Variants in LRFN2 observed in about 807,000 individuals in gnomAD.
LRFN2 encodes the protein leucine-rich repeat and fibronectin type-III domain-containing protein 2.
In LRFN2, 18 loss-of-function variants were observed where a neutral mutation model predicts 37.3. The ratio of observed to expected loss-of-function variants is 0.48; its 90% CI spans 0.33 to 0.72. The LOEUF is 0.72. LRFN2 is among the 30% of genes least tolerant of loss of function. The pLI is 0.02. For missense variants in LRFN2, 1,006 were observed against 1,060.7 expected, an observed-to-expected ratio of 0.95 and a Z score of 0.72; for synonymous variants, 556 against 466.6, an observed-to-expected ratio of 1.19 and a Z score of -2.47.
intron 1 of LRFN2, among the ~76,000 whole-genome samples, chr6:40,585,852 T>TAC (rs59391301): frequency 0.17 from 24,800 of 148,714 alleles, 2,014 homozygotes; most frequent in African/African-American, 0.18. Context: ...CACACACGCG[T>TAC]ACACACACAC....
chr6:40,526,748 T>C (rs1766262399), intron 1 of LRFN2, among the ~76,000 whole-genome samples: 1 of 152,178 alleles, frequency 6.6e-6, no homozygotes, highest in South Asian at 2.1e-4. Context: ...CTCTTGTCCC[T>C]GCACACCCAC....
chr6:40,547,799 G>C (rs1036366455), intron 1 of LRFN2, among the ~76,000 whole-genome samples: 15 of 152,116 alleles, frequency 9.9e-5, no homozygotes, highest in African/African-American at 3.6e-4. Context: ...CATATTCTCT[G>C]GGGTCCAGGA....
At chr6:40,553,881 C>T (rs896271139) in intron 1 of LRFN2, among the ~76,000 whole-genome samples, 50 of 152,284 alleles carry the variant, frequency 3.3e-4, no homozygotes, top group African/African-American at 1.1e-3. Flanking sequence ...TGCTTCTCAC[C>T]TCTGGGGTCT....
intron 1 of LRFN2, among the ~76,000 whole-genome samples, chr6:40,456,742 T>C (rs1344593039): frequency 6.6e-6 from 1 of 152,150 alleles, no homozygotes; most frequent in East Asian, 1.9e-4. Context: ...TATTAAAGGC[T>C]GTCCAGGACT....
chr6:40,582,976 G>A (rs753600556), intron 1 of LRFN2, among the ~76,000 whole-genome samples: 6 of 152,058 alleles, frequency 3.9e-5, no homozygotes, highest in East Asian at 1.9e-4. Flanking sequence ...AGCAAGTTGC[G>A]AGTGGATCTG....
chr6:40,433,065 C>T lies in LRFN2; in HGVS notation c.49G>A (p.Val17Met), dbSNP rs770797333. ...CAGTACTTGGGGCAGGCGTCGACCA[C>T]GGCAAACGCCATGCCAAACGCTAGC... ...GLLAFGMAFAVVDACPKYCVC... is the reference protein window; with the variant it reads ...GLLAFGMAFAMVDACPKYCVC... The change falls in exon 2 of 3, where the codon GTG (valine) becomes ATG (methionine). Residue 17 changes from valine to methionine, a missense_variant. Coordinates refer to ENST00000338305, the MANE Select transcript of LRFN2 (RefSeq NM_020737.3). 23 of 1,542,798 alleles carry T rather than the reference C, an allele frequency of 1.5e-5. No homozygotes were observed. The highest frequency in any genetic ancestry group is 4.1e-5 in the Admixed American group (2 of 49,258).
chr6:40,437,720 T>A (rs1275449707), intron 1 of LRFN2, among the ~76,000 whole-genome samples: 1 of 152,148 alleles, frequency 6.6e-6, no homozygotes, highest in African/African-American at 2.4e-5. Context: ...ACAAGGGGAC[T>A]GGATGAATAT....
chr6:40,427,539 AC>A (rs921141922), intron 2 of LRFN2, among the ~76,000 whole-genome samples: 3 of 152,234 alleles, frequency 2.0e-5, no homozygotes, highest in Non-Finnish European at 4.4e-5. Context: ...AAGGAGGCAG[AC>A]AAAAAGGTTG....
At chr6:40,501,766 C>T (rs1405713462) in intron 1 of LRFN2, 1 of 152,124 alleles carries the variant, frequency 6.6e-6, no homozygotes, top group Non-Finnish European at 1.5e-5. Context: ...ATGTCTCCGC[C>T]TACAAAAGAT....
At chr6:40,496,649 G>GC (rs995756888) in intron 1 of LRFN2, among the ~76,000 whole-genome samples, 1 of 151,966 alleles carries the variant, frequency 6.6e-6, no homozygotes, top group Non-Finnish European at 1.5e-5. Flanking sequence ...CTCTCAAAGG[G>GC]CCCCCTCCCT....
At chr6:40,435,517 A>G (rs1472493715) in intron 1 of LRFN2, among the ~76,000 whole-genome samples, 1 of 150,172 alleles carries the variant, frequency 6.7e-6, no homozygotes, top group Non-Finnish European at 1.5e-5. Context: ...AGATGCAGAA[A>G]AAACTAGCTT....
At chr6:40,543,011 T>C (rs1397025384) in intron 1 of LRFN2, among the ~76,000 whole-genome samples, 1 of 152,232 alleles carries the variant, frequency 6.6e-6, no homozygotes, top group Non-Finnish European at 1.5e-5. Flanking sequence ...GTCACTTAGA[T>C]GTTTCATCTG....
intron 1 of LRFN2, among the ~76,000 whole-genome samples, chr6:40,495,757 C>A (rs950454190): frequency 6.6e-6 from 1 of 152,208 alleles, no homozygotes; most frequent in Non-Finnish European, 1.5e-5. Context: ...TGTCAGATTG[C>A]CTAAGGCTTG....
chr6:40,542,380 AG>A lies in LRFN2; in HGVS notation c.-19+44560del, dbSNP rs554561015. Among the ~76,000 whole-genome samples the A allele has an allele frequency of 2.2e-4, 33 of 151,790 alleles. No individual in the cohort carries two copies. In the South Asian group the frequency reaches 6.1e-3, roughly 28 times the overall value. ...CTAAGCAATGCTGGGCAGGAGGAGGAGGGATGAACTCAGGAAGCAGGCTGAT... is the reference window on the plus strand; with the variant it reads ...CTAAGCAATGCTGGGCAGGAGGAGGAGGATGAACTCAGGAAGCAGGCTGAT... On this transcript the variant is annotated intron_variant, in intron 1 of 2. Transcript: ENST00000338305.
At chr6:40,510,245 A>T (rs1765666297) in intron 1 of LRFN2, among the ~76,000 whole-genome samples, 1 of 152,124 alleles carries the variant, frequency 6.6e-6, no homozygotes, top group Non-Finnish European at 1.5e-5. Flanking sequence ...ATGCCAAGGA[A>T]CACTAGGCCA....
At chr6:40,423,871 G>A (rs1427540018) in intron 2 of LRFN2, among the ~76,000 whole-genome samples, 2 of 152,178 alleles carry the variant, frequency 1.3e-5, no homozygotes, top group South Asian at 2.1e-4. Context: ...CAGAAACTGT[G>A]TGCTGAGGAT....
chr6:40,527,805 G>A (rs78794892), intron 1 of LRFN2, among the ~76,000 whole-genome samples: 326 of 152,262 alleles, frequency 2.1e-3, no homozygotes, highest in Non-Finnish European at 3.6e-3. Context: ...TTGAAACTAC[G>A]TGCTTATGTT....
chr6:40,533,334 A>G (rs975726167), intron 1 of LRFN2, among the ~76,000 whole-genome samples: 8 of 151,214 alleles, frequency 5.3e-5, no homozygotes, highest in African/African-American at 2.0e-4. Context: ...TAAAAAGTAT[A>G]TGAGTGGGAT....
At chr6:40,434,983 A>T (rs910728098) in intron 1 of LRFN2, among the ~76,000 whole-genome samples, 6 of 139,276 alleles carry the variant, frequency 4.3e-5, no homozygotes, top group Non-Finnish European at 9.2e-5. Context: ...TTTTTACTAT[A>T]AAGACATCCC....
Sources: gnomAD v4.1 joint callset for allele counts (sites outside exome capture counted in the v4.1 genomes callset) on GRCh38, gnomAD v4.1.1 for gene constraint, MANE v1.5 for transcripts, NCBI Gene and HGNC (gene_info 2026-07-23, HGNC 2026-07-21) for gene names.